The following CTNNA3 variants were observed in gnomAD, a reference collection of about 807,000 sequenced individuals.
CTNNA3 encodes the protein catenin alpha 3, also known as catenin alpha-3.
CTNNA3 carries 76 observed loss-of-function variants against 95.7 expected under a neutral mutation model. The ratio of observed to expected loss-of-function variants is 0.79; its 90% CI spans 0.66 to 0.96. The LOEUF (loss-of-function observed/expected upper bound fraction) is 0.96. Ranked by LOEUF, CTNNA3 falls within the 40% of genes least tolerant of loss-of-function variation. CTNNA3 has a pLI of 0.00. For missense variants in CTNNA3, 1,191 were observed against 1,089.8 expected, an observed-to-expected ratio of 1.09 and a Z score of -1.31; for synonymous variants, 431 against 374.4, an observed-to-expected ratio of 1.15 and a Z score of -1.74.
intron 14 of CTNNA3, among the ~76,000 whole-genome samples, chr10:66,075,884 T>G (rs2133622216): frequency 1.3e-5 from 2 of 151,876 alleles, no homozygotes; most frequent in South Asian, 4.1e-4. Context: ...TCATGGAAAT[T>G]AAATTCTTAG....
At chr10:66,845,076 T>G (rs1019759309) in intron 7 of CTNNA3, among the ~76,000 whole-genome samples, 1 of 152,042 alleles carries the variant, frequency 6.6e-6, no homozygotes, top group Non-Finnish European at 1.5e-5. Context: ...ATACCAACAA[T>G]AGAGAACACA....
chr10:66,022,855 G>A (rs1321872332), intron 15 of CTNNA3, among the ~76,000 whole-genome samples: 3 of 151,928 alleles, frequency 2.0e-5, no homozygotes, highest in African/African-American at 7.3e-5. Context: ...CGTTATCCTT[G>A]CTTCTCCACC....
chr10:66,293,662 T>G (rs2091727343), intron 12 of CTNNA3, among the ~76,000 whole-genome samples: 1 of 136,456 alleles, frequency 7.3e-6, no homozygotes, highest in Non-Finnish European at 1.5e-5. Context: ...TTTTCTTTTT[T>G]CTTTCTTTTT....
intron 7 of CTNNA3, among the ~76,000 whole-genome samples, chr10:66,869,428 C>T (rs1844309643): frequency 6.6e-6 from 1 of 151,888 alleles, no homozygotes. Flanking sequence ...CAAAAATTAG[C>T]CCAGTGTGGT....
At chr10:66,659,256 C>T (rs933525574) in intron 9 of CTNNA3, among the ~76,000 whole-genome samples, 14 of 151,258 alleles carry the variant, frequency 9.3e-5, no homozygotes, top group Admixed American at 2.0e-4. Flanking sequence ...ATACAATGCT[C>T]AAATAAAAAA....
At chr10:67,359,200 A>G (rs1440018353) in intron 5 of CTNNA3, among the ~76,000 whole-genome samples, 1 of 151,958 alleles carries the variant, frequency 6.6e-6, no homozygotes, top group East Asian at 1.9e-4. Context: ...AAGTGAAAAA[A>G]GTACAAAAAC....
chr10:66,379,034 A>C, intron 12 of CTNNA3, 118 bp downstream of exon 12: 2 of 812,194 alleles, frequency 2.5e-6, no homozygotes, highest in Non-Finnish European at 4.1e-6. Context: ...AGCACTGTAT[A>C]GCAATGTATG....
intron 13 of CTNNA3, among the ~76,000 whole-genome samples, chr10:66,252,105 A>G (rs1812498677): frequency 2.0e-5 from 3 of 152,206 alleles, no homozygotes; most frequent in Admixed American, 2.0e-4. Flanking sequence ...CTTTGAAAAG[A>G]AGGCAGTGTT....
Position 66,613,616 on chromosome 10 carries a change from A to G in CTNNA3, c.1374+8076T>C, listed in dbSNP as rs191200405. Among the ~76,000 whole-genome samples the G allele has an allele frequency of 1.9e-3, 290 of 152,214 alleles. 1 individual carries two copies. The highest frequency in any genetic ancestry group is 1.8e-3 in the Non-Finnish European group (120 of 68,000). On this transcript the variant is annotated intron_variant, in intron 10 of 17. Coordinates refer to ENST00000433211, the MANE Select transcript of CTNNA3 (RefSeq NM_013266.4). ...AGAAAGAAACTGGTACTAAACTTAC[A>G]TTTGAAATCACCCTAGTCAGTCTTG... is the stretch of plus-strand genomic sequence containing the variant.
At chr10:67,413,765 C>G (rs1845456502) in intron 5 of CTNNA3, among the ~76,000 whole-genome samples, 1 of 152,094 alleles carries the variant, frequency 6.6e-6, no homozygotes. Flanking sequence ...AACTAGACAT[C>G]AATACCAAAA....
intron 7 of CTNNA3, among the ~76,000 whole-genome samples, chr10:67,159,176 G>A (rs565983112): frequency 5.3e-5 from 8 of 152,298 alleles, no homozygotes; most frequent in African/African-American, 1.2e-4. Flanking sequence ...GACCGCCAGC[G>A]CATGCAGCCC....
At chr10:67,223,075 G>T (rs112289156) in intron 5 of CTNNA3, among the ~76,000 whole-genome samples, 1 of 152,134 alleles carries the variant, frequency 6.6e-6, no homozygotes, top group African/African-American at 2.4e-5. Context: ...AGTCCTTGAC[G>T]CCTGCGAAAA....
chr10:66,592,985 T>G (rs1203036494), intron 10 of CTNNA3, among the ~76,000 whole-genome samples: 3 of 152,020 alleles, frequency 2.0e-5, no homozygotes, highest in Admixed American at 1.3e-4. Flanking sequence ...TTATGGACAA[T>G]GAAGAAGAAG....
intron 1 of CTNNA3, among the ~76,000 whole-genome samples, chr10:67,669,851 A>G (rs887850432): frequency 7.2e-5 from 11 of 152,210 alleles, no homozygotes; most frequent in African/African-American, 2.4e-4. Context: ...TTATTTAGCA[A>G]ATTGAATCCA....
At chr10:67,586,016 G>A (rs1312188234) in intron 3 of CTNNA3, among the ~76,000 whole-genome samples, 1 of 151,906 alleles carries the variant, frequency 6.6e-6, no homozygotes, top group African/African-American at 2.4e-5. Context: ...ATTTTGGTAT[G>A]TTGTGTTTTA....
At chr10:66,542,369 C>A (rs1407644850) in intron 10 of CTNNA3, among the ~76,000 whole-genome samples, 1 of 152,040 alleles carries the variant, frequency 6.6e-6, no homozygotes, top group Non-Finnish European at 1.5e-5. Flanking sequence ...TACCATTTGA[C>A]CCAGCCATCC....
intron 7 of CTNNA3, among the ~76,000 whole-genome samples, chr10:66,974,392 A>G (rs980227854): frequency 2.0e-5 from 3 of 152,178 alleles, no homozygotes; most frequent in African/African-American, 7.2e-5. Flanking sequence ...CACTTTACGC[A>G]TTCACCTGTT....
chr10:67,448,770 G>A (rs894910858), intron 5 of CTNNA3, among the ~76,000 whole-genome samples: 5 of 149,232 alleles, frequency 3.4e-5, no homozygotes, highest in Admixed American at 1.3e-4. Flanking sequence ...AACTCGCATA[G>A]GATTTCTTAT....
In CTNNA3 at chr10:66,219,012, T is replaced by C. The variant is rs118177492; in HGVS notation, c.1884+61458A>G. Among the ~76,000 whole-genome samples the C allele has an allele frequency of 1.3e-3, 203 of 152,070 alleles. 4 individuals are homozygous for C. The East Asian group carries it at 0.037, about 28-fold the overall frequency. On this transcript the variant is annotated intron_variant, in intron 13 of 17. Coordinates refer to ENST00000433211, the MANE Select transcript of CTNNA3 (RefSeq NM_013266.4). ...TTATTAGAAATACCTATAGTGGTTA[T>C]TCATATGCTTGTCCCACCTTCGTAT...
Sources: allele counts gnomAD v4.1 joint callset (sites outside exome capture counted in the v4.1 genomes callset), GRCh38; gene constraint gnomAD v4.1.1; transcripts MANE v1.5; gene names NCBI Gene and HGNC (gene_info 2026-07-23, HGNC 2026-07-21).